The following RGL1 variants were observed in gnomAD, a reference collection of about 807,000 sequenced individuals.
RGL1 encodes the protein ral guanine nucleotide dissociation stimulator-like 1.
A neutral mutation model predicts 95.2 loss-of-function variants in RGL1; 24 were observed. The observed-to-expected ratio is 0.25, with a 90% CI of 0.18 to 0.35. The LOEUF is 0.35. Among genes scored for constraint, RGL1 ranks in the 10% least tolerant of loss-of-function variants. The pLI is 1.00. For missense variants in RGL1, 715 were observed against 936.3 expected, an observed-to-expected ratio of 0.76 and a Z score of 3.08; for synonymous variants, 329 against 344.9, an observed-to-expected ratio of 0.95 and a Z score of 0.51.
chr1:183,759,258 G>T lies in RGL1; in HGVS notation c.132+16969G>T, dbSNP rs556628038. On this transcript the variant is annotated intron_variant, in intron 2 of 18. Coordinates refer to the RGL1 transcript ENST00000304685. ...TGAGTGGGAAGCTTAGATTACTTCT[G>T]TATTGGGGTTTTTGAGGAAAAGGCA... Among the ~76,000 whole-genome samples the T allele has an allele frequency of 2.6e-5, 4 of 152,330 alleles. No individual in the cohort carries two copies. The South Asian group carries it at 6.2e-4, about 24-fold the overall frequency.
At chr1:183,816,573 C>A (rs894848427) in intron 2 of RGL1, among the ~76,000 whole-genome samples, 1 of 152,182 alleles carries the variant, frequency 6.6e-6, no homozygotes, top group African/African-American at 2.4e-5. Context: ...TCTGTTTTTA[C>A]TCTGCCTATG....
intron 16 of RGL1, among the ~76,000 whole-genome samples, chr1:183,920,094 G>A (rs1669228588): frequency 6.6e-6 from 1 of 151,878 alleles, no homozygotes. Context: ...GATTGCAATG[G>A]CACGATCTCA....
At chr1:183,879,066 A>AT (rs1193604510) in intron 4 of RGL1, among the ~76,000 whole-genome samples, 6 of 152,186 alleles carry the variant, frequency 3.9e-5, no homozygotes, top group Admixed American at 3.9e-4. Context: ...ATTGTTTATC[A>AT]TTTCATTTAA....
Position 183,849,461 on chromosome 1 carries a change from TTTAAG to T in RGL1, c.347+1690_347+1694del, listed in dbSNP as rs200261781. 2.9e-3 allele frequency among the ~76,000 whole-genome samples: 433 copies of T among 150,770 alleles called. 1 individual carries two copies. Among genetic ancestry groups the T allele is most frequent in the African/African-American group, 1.0e-2 (410 of 41,112 alleles). ...GAATGGGTTATTATATGGATAGACA[TTTAAG>T]TTTTCTCCAGTTTTTAGTTTTTTTT... On this transcript the variant is annotated intron_variant, in intron 3 of 17. Transcript: ENST00000360851.
At chr1:183,639,720 A>C (rs921903866) in intron 1 of RGL1, among the ~76,000 whole-genome samples, 1 of 150,174 alleles carries the variant, frequency 6.7e-6, no homozygotes, top group Non-Finnish European at 1.5e-5. Flanking sequence ...AAAATCAGGG[A>C]AAAAAATCTC....
At chr1:183,845,773 C>G (rs1209859761) in intron 2 of RGL1, among the ~76,000 whole-genome samples, 1 of 152,180 alleles carries the variant, frequency 6.6e-6, no homozygotes, top group Non-Finnish European at 1.5e-5. Context: ...GAATATACTC[C>G]AACCATGGCC....
chr1:183,721,071 C>T (rs1271738730), intron 1 of RGL1, among the ~76,000 whole-genome samples: 4 of 152,160 alleles, frequency 2.6e-5, no homozygotes, highest in African/African-American at 9.7e-5. Flanking sequence ...TGTCCTTTCA[C>T]TCCCATTTCT....
chr1:183,868,575 A>G (rs930175874), intron 4 of RGL1, among the ~76,000 whole-genome samples: 3 of 152,182 alleles, frequency 2.0e-5, no homozygotes, highest in African/African-American at 7.2e-5. Context: ...AGCACTTTAG[A>G]GTTTTGAGAA....
upstream of RGL1, among the ~76,000 whole-genome samples, chr1:183,801,600 T>C (rs1370147427): frequency 1.2e-4 from 18 of 152,190 alleles, no homozygotes; most frequent in Admixed American, 9.2e-4. Context: ...TTTCCCCCTA[T>C]ATTTTTATCT....
chr1:183,748,008 C>T (rs1038226524), intron 2 of RGL1, among the ~76,000 whole-genome samples: 4 of 152,116 alleles, frequency 2.6e-5, no homozygotes, highest in African/African-American at 9.7e-5. Context: ...GCCTCAATTT[C>T]AGAACTTGTT....
At chr1:183,816,751 G>A (rs1487911493) in intron 2 of RGL1, among the ~76,000 whole-genome samples, 2 of 151,896 alleles carry the variant, frequency 1.3e-5, no homozygotes, top group African/African-American at 4.8e-5. Flanking sequence ...TATTAGTCTT[G>A]CCTTTCTTCC....
rs572310604 is a variant in RGL1, at chr1:183,916,478, T to A, written c.1781T>A (p.Ile594Asn). The part of the protein sequence containing the change: ...LSESSSSCSS[I>N]HSMDTNSSGM... ...GAGTCCTCCTCATCCTGTTCTTCTA[T>A]CCATTCCATGGACACAAATTCCTCA... Residue 594 changes from isoleucine to asparagine, a missense_variant, in exon 16 of 18, where the codon ATC becomes AAC. Ile to Asn is a moderately radical substitution (Grantham distance 149). Transcript: ENST00000360851. 6 of 1,613,978 alleles carry A rather than the reference T, an allele frequency of 3.7e-6. No homozygotes were observed. Among genetic ancestry groups the A allele is most frequent in the Non-Finnish European group, 5.1e-6 (6 of 1,180,012 alleles).
intron 1 of RGL1, among the ~76,000 whole-genome samples, chr1:183,805,941 C>A (rs928824983): frequency 1.2e-5 from 1 of 81,004 alleles, no homozygotes; most frequent in Admixed American, 1.2e-4. Flanking sequence ...TTATTCTTTT[C>A]TTTTTTTCTT....
In RGL1 at chr1:183,926,249, A is replaced by G. The variant is rs552156922; in HGVS notation, c.2264A>G (p.Lys755Arg). ...RTSLTLPRTA[K>R]RGCWSNRHSK... ...AGCTTGACGTTGCCCAGGACAGCTA[A>G]ACGGGGCTGCTGGAGTAACAGACAC... The change falls in exon 18 of 18, where the codon AAA (lysine) becomes AGA (arginine). Residue 755 changes from lysine to arginine, a missense_variant. Physicochemically the swap from Lys to Arg is conservative, Grantham distance 26. Coordinates refer to ENST00000360851, the MANE Select transcript of RGL1 (RefSeq NM_001297671.3). The G allele has an allele frequency of 6.2e-7, 1 of 1,613,416 alleles. No homozygotes were observed. The highest frequency in any genetic ancestry group is 8.5e-7 in the Non-Finnish European group (1 of 1,179,666).
At chr1:183,776,006 A>C (rs1659575435) in intron 2 of RGL1, among the ~76,000 whole-genome samples, 1 of 152,234 alleles carries the variant, frequency 6.6e-6, no homozygotes, top group Admixed American at 6.5e-5. Context: ...TTATTAAATA[A>C]AACATCAAAA....
At chr1:183,745,524 A>G (rs1056361651) in intron 2 of RGL1, among the ~76,000 whole-genome samples, 2 of 151,984 alleles carry the variant, frequency 1.3e-5, no homozygotes, top group South Asian at 4.1e-4. Context: ...TGTTTTTTCC[A>G]TATGGATAAT....
Position 183,742,260 on chromosome 1 carries a change from C to A in RGL1, c.103C>A (p.Arg35=), listed in dbSNP as rs549267976. ...ACACTGGCTGGTGGAAGATCATGTT[C>A]GAATATGGGAAGTTTTAAAGACAGA... The change falls in exon 2 of 19, where the codon CGA becomes AGA. Residue 35 remains arginine (R), a synonymous_variant. Transcript: ENST00000304685. 2 of 1,613,948 alleles carry A rather than the reference C, an allele frequency of 1.2e-6. No individual in the cohort carries two copies. Among genetic ancestry groups the A allele is most frequent in the East Asian group, 4.5e-5 (2 of 44,884 alleles).
chr1:183,693,344 A>G (rs905969265), intron 1 of RGL1, among the ~76,000 whole-genome samples: 9 of 152,132 alleles, frequency 5.9e-5, no homozygotes, highest in African/African-American at 1.9e-4. Flanking sequence ...TCCTAAAAGT[A>G]TGCCATTTGC....
intron 2 of RGL1, among the ~76,000 whole-genome samples, chr1:183,782,451 T>C (rs1659953401): frequency 6.6e-6 from 1 of 152,220 alleles, no homozygotes; most frequent in Non-Finnish European, 1.5e-5. Flanking sequence ...GCGTGTTCAA[T>C]CACAGTTAAA....
Sources: allele counts gnomAD v4.1 joint callset (sites outside exome capture counted in the v4.1 genomes callset), GRCh38; gene constraint gnomAD v4.1.1; transcripts MANE v1.5; gene names NCBI Gene and HGNC (gene_info 2026-07-23, HGNC 2026-07-21).